DHX57: variants seen among roughly 807,000 people sequenced by gnomAD.
DHX57 encodes the protein DExH-box helicase 57, also known as putative ATP-dependent RNA helicase DHX57.
DHX57 carries 105 observed loss-of-function variants against 156.2 expected under a neutral mutation model. That is an observed-to-expected ratio of 0.67 (90% confidence interval 0.57 to 0.79). DHX57 has a LOEUF of 0.79. Ranked by LOEUF, DHX57 falls within the 30% of genes least tolerant of loss-of-function variation. DHX57 has a pLI of 0.00. For synonymous variants in DHX57, 704 were observed against 595.6 expected (o/e 1.18, Z -2.65); for missense variants, 1,847 against 1,661.9 (o/e 1.11, Z -1.94).
chr2:38,828,506 A>G (rs1037677200), intron 13 of DHX57, 70 bp from the exon 14 acceptor site: 2 of 1,106,456 alleles, frequency 1.8e-6, no homozygotes, highest in Non-Finnish European at 2.6e-6. Context: ...AAATTTTTTT[A>G]AAAAAGAATA....
chr2:38,827,175 T>A (rs1671128704), intron 14 of DHX57, among the ~76,000 whole-genome samples: 1 of 151,708 alleles, frequency 6.6e-6, no homozygotes, highest in African/African-American at 2.4e-5. Flanking sequence ...TAAAGTCCTT[T>A]CTGATTTTTA....
At chr2:38,857,958 C>T (rs993656727) in intron 6 of DHX57, among the ~76,000 whole-genome samples, 1 of 152,196 alleles carries the variant, frequency 6.6e-6, no homozygotes, top group Admixed American at 6.5e-5. Flanking sequence ...TCCAGGCTGG[C>T]ATTGTCTCAA....
At chr2:38,826,444 G>T in intron 15 of DHX57, 72 bp downstream of exon 15, 1 of 1,514,704 alleles carries the variant, frequency 6.6e-7, no homozygotes, top group Non-Finnish European at 9.0e-7. Context: ...AATAGCATTA[G>T]CCACTAACAA....
chr2:38,805,688 A>G (rs1669900619), intron 22 of DHX57, among the ~76,000 whole-genome samples: 1 of 151,500 alleles, frequency 6.6e-6, no homozygotes, highest in African/African-American at 2.4e-5. Context: ...TGATGGTATC[A>G]TTCCACCAAG....
At chr2:38,813,376 G>T (rs201055701) in intron 21 of DHX57, among the ~76,000 whole-genome samples, 1 of 143,354 alleles carries the variant, frequency 7.0e-6, no homozygotes, top group East Asian at 2.2e-4. Flanking sequence ...TGTATACTAA[G>T]TTTTTTTTTT....
At chr2:38,866,197 T>G (rs1665061011) in intron 2 of DHX57, among the ~76,000 whole-genome samples, 1 of 152,246 alleles carries the variant, frequency 6.6e-6, no homozygotes, top group South Asian at 2.1e-4. Flanking sequence ...AAAGGCCTTC[T>G]GTCTTACTTC....
At chr2:38,846,616 C>T (rs1320759231) in intron 11 of DHX57, among the ~76,000 whole-genome samples, 1 of 113,800 alleles carries the variant, frequency 8.8e-6, no homozygotes, top group Non-Finnish European at 1.8e-5. Flanking sequence ...GACTCTATCT[C>T]AAAAAAAAAA....
Position 38,819,119 on chromosome 2 carries a change from T to G in DHX57, c.3317A>C (p.Glu1106Ala), listed in dbSNP as rs763451408. The G allele has an allele frequency of 1.6e-5, 26 of 1,613,952 alleles. No individual in the cohort carries two copies. In the Admixed American group the frequency reaches 3.8e-4, roughly 24 times the overall value. The change falls in exon 18 of 24, where the codon GAA (glutamate) becomes GCA (alanine). Residue 1106 changes from glutamate to alanine, a missense_variant. Physicochemically the swap from Glu to Ala is moderately radical, Grantham distance 107 (BLOSUM62 -1). Coordinates refer to ENST00000457308, the MANE Select transcript of DHX57 (RefSeq NM_198963.3). ...PFVSPWDKKE[E>A]ANQKKLEFAF... is the part of the protein sequence containing the mutation. ...AAATTCCAGCTTTTTCTGGTTAGCT[T>G]CTTCTTTTTTATCCCAGGGAGATAC...
rs1392053035 is a variant in DHX57, at chr2:38,823,036, G to C, written c.3248C>G (p.Pro1083Arg). Residue 1083 changes from proline to arginine, a missense_variant, in exon 17 of 24, where the codon CCT becomes CGT. Coordinates refer to ENST00000457308, the MANE Select transcript of DHX57 (RefSeq NM_198963.3). ...LFGSIFRCLD[P>R]ALTIAASLAF... ...CAAACTGGCAGCAATGGTGAGAGCA[G>C]GATCCAAACAGCGGAAGATAGACCC... 4 of 1,614,038 alleles carry C rather than the reference G, an allele frequency of 2.5e-6. No individual in the cohort carries two copies. The highest frequency in any genetic ancestry group is 3.4e-6 in the Non-Finnish European group (4 of 1,180,024).
At chr2:38,840,162 C>G (rs1285590144) in intron 12 of DHX57, among the ~76,000 whole-genome samples, 2 of 151,760 alleles carry the variant, frequency 1.3e-5, no homozygotes, top group African/African-American at 4.8e-5. Context: ...CCAGGCTGGT[C>G]TTGAACTCCT....
intron 2 of DHX57, among the ~76,000 whole-genome samples, chr2:38,864,972 T>C (rs1664989627): frequency 6.6e-6 from 1 of 152,194 alleles, no homozygotes; most frequent in Non-Finnish European, 1.5e-5. Flanking sequence ...CACAAATGTG[T>C]ACCCTCTTTA....
At chr2:38,837,030 G>T (rs1671710939) in intron 13 of DHX57, among the ~76,000 whole-genome samples, 1 of 151,948 alleles carries the variant, frequency 6.6e-6, no homozygotes, top group African/African-American at 2.4e-5. Flanking sequence ...GCACTTTTTT[G>T]TAGAGATGGG....
At chr2:38,829,762 T>G (rs958399404) in intron 13 of DHX57, among the ~76,000 whole-genome samples, 1 of 152,088 alleles carries the variant, frequency 6.6e-6, no homozygotes, top group African/African-American at 2.4e-5. Context: ...CCTAACCTTA[T>G]AAGACAGGAA....
intron 1 of DHX57, among the ~76,000 whole-genome samples, chr2:38,870,207 G>A (rs1232964096): frequency 6.6e-6 from 1 of 151,852 alleles, no homozygotes; most frequent in Non-Finnish European, 1.5e-5. Flanking sequence ...ACAGAGCCTT[G>A]GAAAAATGTG....
chr2:38,810,153 C>T lies in DHX57; in HGVS notation c.3682-3460G>A, dbSNP rs377273158. Among the ~76,000 whole-genome samples the T allele has an allele frequency of 3.3e-5, 5 of 151,776 alleles. No homozygotes were observed. In the East Asian group the frequency reaches 7.7e-4, roughly 23 times the overall value. On this transcript the variant is annotated intron_variant, in intron 21 of 23. Coordinates refer to ENST00000457308, the MANE Select transcript of DHX57 (RefSeq NM_198963.3). ...CAGGTGATCTGCCCACCTCGGTCTC[C>T]CAAAGTGCAGGGATTACAGACGTGA...
rs568241915 is a variant in DHX57, at chr2:38,868,533, G to A, written c.-6-122C>T. On this transcript the variant is annotated intron_variant, in intron 1 of 23. Coordinates refer to ENST00000457308, the MANE Select transcript of DHX57 (RefSeq NM_198963.3). ...ACAAAGGAAAATGCATATGTAAAAA[G>A]AGCTGGTCTTGGGGCAGGATTCTGA... 547 of 1,029,052 alleles carry A rather than the reference G, an allele frequency of 5.3e-4. 1 individual carries two copies. Among genetic ancestry groups the A allele is most frequent in the Non-Finnish European group, 6.9e-4 (495 of 716,692 alleles). 63.7% of individuals were successfully genotyped at this position (1,029,052 alleles called of 1,614,324 possible).
In DHX57 at chr2:38,823,094, C is replaced by T. The variant is rs149500475; in HGVS notation, c.3190G>A (p.Val1064Met). 34 of 1,614,030 alleles carry T rather than the reference C, an allele frequency of 2.1e-5. No homozygotes were observed. The highest frequency in any genetic ancestry group is 8.8e-5 in the South Asian group (8 of 91,090). ...ATTAGTTTGCCAATTCTCACATCCA[C>T]GGGCAGAGAGGCCAAATGATACCCA... ...PLGYHLASLP[V>M]DVRIGKLMLF... Residue 1064 changes from valine (V) to methionine (M), a missense_variant, in exon 17 of 24, where the codon GTG becomes ATG. Val to Met is a conservative substitution (Grantham distance 21). Transcript: ENST00000457308.
chr2:38,873,014 G>A (rs1043390131), intron 1 of DHX57, among the ~76,000 whole-genome samples: 2 of 151,614 alleles, frequency 1.3e-5, no homozygotes, highest in African/African-American at 4.9e-5. Flanking sequence ...TTAAGACAGA[G>A]TCTTGCTCTG....
chr2:38,860,198 C>A (rs1673121690), intron 5 of DHX57, among the ~76,000 whole-genome samples: 1 of 152,006 alleles, frequency 6.6e-6, no homozygotes, highest in Admixed American at 6.5e-5. Flanking sequence ...GCCTGTAATC[C>A]CAGCACTTTG....
Sources: allele counts gnomAD v4.1 joint callset (sites outside exome capture counted in the v4.1 genomes callset), GRCh38; gene constraint gnomAD v4.1.1; transcripts MANE v1.5; gene names NCBI Gene and HGNC (gene_info 2026-07-23, HGNC 2026-07-21).